The following USP8 variants were observed in gnomAD, a reference collection of about 807,000 sequenced individuals.
USP8 encodes ubiquitin specific peptidase 8.
In USP8, 27 loss-of-function variants were observed where a neutral mutation model predicts 130.0. The observed-to-expected ratio is 0.21, with a 90% CI of 0.15 to 0.29. The LOEUF (loss-of-function observed/expected upper bound fraction) is 0.29, where lower values mean the gene tolerates loss of function less well. USP8 is among the 10% of genes least tolerant of loss of function. The pLI is 1.00. For synonymous variants in USP8, 392 were observed against 444.1 expected, an observed-to-expected ratio of 0.88 and a Z score of 1.48; for missense variants, 1,029 against 1,312.2, an observed-to-expected ratio of 0.78 and a Z score of 3.33.
intron 7 of USP8, among the ~76,000 whole-genome samples, chr15:50,468,840 T>A (rs567141502): frequency 6.6e-6 from 1 of 152,266 alleles, no homozygotes; most frequent in African/African-American, 2.4e-5. Flanking sequence ...CTTAAGTGTC[T>A]AGCCCAATGA....
chr15:50,434,801 A>C (rs987653770), intron 1 of USP8, among the ~76,000 whole-genome samples: 2 of 149,558 alleles, frequency 1.3e-5, no homozygotes, highest in African/African-American at 4.9e-5. Context: ...TGTATTTTTA[A>C]TAGAGATGAG....
chr15:50,450,339 C>G (rs1271887073), intron 4 of USP8, among the ~76,000 whole-genome samples: 4 of 151,332 alleles, frequency 2.6e-5, no homozygotes, highest in African/African-American at 9.7e-5. Flanking sequence ...TGCTTAGTTA[C>G]AGAAGTTATT....
Position 50,511,749 on chromosome 15 carries a change from C to CA in USP8, c.*12662dup, listed in dbSNP as rs1418539447. 1 of 152,322 alleles carries CA rather than the reference C, an allele frequency of 6.6e-6. No individual in the cohort carries two copies. The highest frequency in any genetic ancestry group is 2.4e-5 in the African/African-American group (1 of 41,478). 9.4% of individuals were successfully genotyped at this position (152,322 alleles called of 1,614,324 possible). ...CTGTGGCTCACGCCTGTAATCCCAG[C>CA]ACCTGGGGGAGCCGAGGCAGGTGGA... On this transcript the variant is annotated 3_prime_UTR_variant, in exon 20 of 20. Coordinates refer to ENST00000307179, the MANE Select transcript of USP8 (RefSeq NM_005154.5).
At chr15:50,472,425 C>G (rs2051409922) in intron 8 of USP8, among the ~76,000 whole-genome samples, 1 of 150,138 alleles carries the variant, frequency 6.7e-6, no homozygotes, top group African/African-American at 2.5e-5. Context: ...GAAACCCCAT[C>G]TCTACTAAAA....
chr15:50,498,943 A>C lies in USP8; in HGVS notation c.3212A>C (p.Tyr1071Ser), dbSNP rs1312980575. The change falls in exon 20 of 20, where the codon TAT (tyrosine) becomes TCT (serine). Residue 1071 changes from tyrosine (Y) to serine (S), a missense_variant. Physicochemically the swap from Tyr to Ser is moderately radical, Grantham distance 144 (BLOSUM62 -2). Around this residue, in one of 4 missense-constraint regions of USP8, gnomAD observed 257 missense variants for 429.8 expected, o/e 0.60. Transcript: ENST00000307179. Reference protein sequence around the residue: ...GGLDGGHYTAYCKNAARQRWF... With the variant: ...GGLDGGHYTASCKNAARQRWF... ...CTGGATGGAGGCCACTACACAGCCTATTGTAAAAATGCAGCAAGACAACGG... is the reference window on the plus strand; with the variant it reads ...CTGGATGGAGGCCACTACACAGCCTCTTGTAAAAATGCAGCAAGACAACGG... 1.9e-6 allele frequency: 3 copies of C among 1,613,912 alleles called. No individual in the cohort carries two copies. The highest frequency in any genetic ancestry group is 2.5e-6 in the Non-Finnish European group (3 of 1,179,854).
chr15:50,452,855 T>G (rs1320238973), intron 4 of USP8, among the ~76,000 whole-genome samples: 1 of 152,226 alleles, frequency 6.6e-6, no homozygotes, highest in African/African-American at 2.4e-5. Context: ...TTATTTTCGT[T>G]GTTATTAACA....
Position 50,482,079 on chromosome 15 carries a change from G to A in USP8, c.1803+14G>A, listed in dbSNP as rs1242495908. On this transcript the variant is annotated intron_variant, in intron 11 of 19. Coordinates refer to ENST00000307179, the MANE Select transcript of USP8 (RefSeq NM_005154.5). The stretch of plus-strand genomic sequence containing the variant: ...GGTTCAGGCAAGGTAAGCAGAAACA[G>A]TACAAATTGCCAACGAAGTGAAAGA... 3 of 1,463,584 alleles carry A rather than the reference G, an allele frequency of 2.0e-6. No individual in the cohort carries two copies. The African/African-American group carries it at 4.4e-5, about 21-fold the overall frequency. The allele number at this position is 1,463,584 out of a possible 1,614,324, so 90.7% of individuals were successfully genotyped here. A position where few individuals can be genotyped will look rare whatever the true frequency, so the allele number is the denominator to read the frequency against.
At chr15:50,461,997 A>G (rs569002789) in intron 5 of USP8, among the ~76,000 whole-genome samples, 1 of 152,354 alleles carries the variant, frequency 6.6e-6, no homozygotes, top group Non-Finnish European at 1.5e-5. Flanking sequence ...TAAATATTAA[A>G]TTTCTGTAGC....
intron 1 of USP8, chr15:50,424,783 T>G (rs2049648754): frequency 6.3e-6 from 2 of 317,288 alleles, no homozygotes; most frequent in Admixed American, 5.0e-5. Context: ...TCCGTTCTCT[T>G]GGACACTTAT....
chr15:50,463,391 A>G (rs1487356667), intron 6 of USP8: 1 of 152,240 alleles, frequency 6.6e-6, no homozygotes, highest in Admixed American at 6.5e-5. Flanking sequence ...GTCTACAGCC[A>G]TACCACCTAA....
At chr15:50,476,717 C>T in intron 8 of USP8, 132 bp from the exon 9 acceptor site, 1 of 968,924 alleles carries the variant, frequency 1.0e-6, no homozygotes, top group Non-Finnish European at 1.4e-6. Context: ...ATTTTGAATT[C>T]AGTTCTCATT....
chr15:50,429,586 A>C (rs1284371938), intron 1 of USP8, among the ~76,000 whole-genome samples: 1 of 152,168 alleles, frequency 6.6e-6, no homozygotes, highest in African/African-American at 2.4e-5. Flanking sequence ...CTGTAATCCC[A>C]GCACTTTGGG....
chr15:50,438,417 C>T (rs1448803941), intron 1 of USP8, among the ~76,000 whole-genome samples: 1 of 152,198 alleles, frequency 6.6e-6, no homozygotes, highest in Non-Finnish European at 1.5e-5. Flanking sequence ...AACCCCGTAT[C>T]TACTGAAAAC....
At chr15:50,429,860 A>C (rs1419455814) in intron 1 of USP8, among the ~76,000 whole-genome samples, 6 of 152,180 alleles carry the variant, frequency 3.9e-5, no homozygotes, top group African/African-American at 1.4e-4. Flanking sequence ...CTGGCTCCCT[A>C]CTTAATGATT....
At chr15:50,436,323 A>G (rs189854851) in intron 1 of USP8, among the ~76,000 whole-genome samples, 1 of 147,264 alleles carries the variant, frequency 6.8e-6, no homozygotes, top group African/African-American at 2.4e-5. Context: ...CCAAGACTCA[A>G]ATCAAATGTT....
chr15:50,447,610 T>C (rs2050485163), intron 3 of USP8, among the ~76,000 whole-genome samples: 1 of 151,168 alleles, frequency 6.6e-6, no homozygotes, highest in Non-Finnish European at 1.5e-5. Context: ...TTGCCCGGGG[T>C]AGAGTACAAT....
intron 14 of USP8, among the ~76,000 whole-genome samples, chr15:50,492,453 GA>G (rs1246154991): frequency 3.9e-5 from 6 of 152,108 alleles, no homozygotes; most frequent in Non-Finnish European, 1.5e-5. Context: ...GTGTCTCTAA[GA>G]ACCATGACCC....
intron 7 of USP8, among the ~76,000 whole-genome samples, chr15:50,468,602 G>A (rs1395318761): frequency 6.6e-6 from 1 of 152,020 alleles, no homozygotes; most frequent in Admixed American, 6.6e-5. Flanking sequence ...TTGTTACATA[G>A]GTAAACGTTT....
At chr15:50,496,900 A>T (rs1566893730) in intron 17 of USP8, 189 bp from the exon 18 acceptor site, 2 of 648,698 alleles carry the variant, frequency 3.1e-6, no homozygotes, top group South Asian at 2.4e-5. Context: ...CACTCACCAC[A>T]CTCTGTGCTG....
Sources: allele counts gnomAD v4.1 joint callset (sites outside exome capture counted in the v4.1 genomes callset), GRCh38; gene constraint gnomAD v4.1.1; regional missense constraint gnomAD v4.1.1; transcripts MANE v1.5; gene names NCBI Gene and HGNC (gene_info 2026-07-23, HGNC 2026-07-21).